Variants in TNFRSF13B observed in about 807,000 individuals in gnomAD.
TNFRSF13B encodes the protein tumor necrosis factor receptor superfamily member 13B.
Under a neutral mutation model 24.0 loss-of-function variants are expected in TNFRSF13B, and 34 were observed. That is an observed-to-expected ratio of 1.41 (90% confidence interval 1.08 to 1.88). The LOEUF (loss-of-function observed/expected upper bound fraction) is 1.88, where lower values mean the gene tolerates loss of function less well. Among genes scored for constraint, TNFRSF13B ranks in the 40% most tolerant of loss-of-function variants. TNFRSF13B has a pLI of 0.00. For synonymous variants in TNFRSF13B, 173 were observed against 150.3 expected (o/e 1.15, Z -1.10); for missense variants, 415 against 380.8 (o/e 1.09, Z -0.75).
At chr17:16,939,936 A>G in intron 4 of TNFRSF13B, 139 bp from the exon 5 acceptor site, 1 of 1,243,670 alleles carries the variant, frequency 8.0e-7, no homozygotes, top group Non-Finnish European at 1.1e-6. Context: ...GACAGGTGTC[A>G]GTGTCCGCCA....
At chr17:16,949,026 A>AT in intron 2 of TNFRSF13B, 43 bp from the exon 3 acceptor site, 1 of 1,613,468 alleles carries the variant, frequency 6.2e-7, no homozygotes, top group Non-Finnish European at 8.5e-7. Flanking sequence ...GACACAGACT[A>AT]GCAGGAACTC....
rs1361695462 is a variant in TNFRSF13B at position 16,966,832 on chromosome 17, CTTTTTTCT to C, written c.61+5175_61+5182del. ...TTGGTTTTTTTTGTTTTTTCTTTTTCTTTTTTCTTTTTTTTTTTTTTTTTGAGATGGAG... is the reference window on the plus strand; with the variant it reads ...TTGGTTTTTTTTGTTTTTTCTTTTTCTTTTTTTTTTTTTTTTGAGATGGAG... On this transcript the variant is annotated intron_variant, in intron 1 of 4. Coordinates refer to ENST00000261652, the MANE Select transcript of TNFRSF13B (RefSeq NM_012452.3). Among the ~76,000 whole-genome samples the C allele has an allele frequency of 1.0e-4, 10 of 95,846 alleles. 1 individual carries two copies. The highest frequency in any genetic ancestry group is 3.6e-4 in the South Asian group (1 of 2,792). The allele number at this position is 95,846 out of a possible 152,430, so 62.9% of individuals were successfully genotyped here. A position where few individuals can be genotyped will look rare whatever the true frequency, so the allele number is the denominator to read the frequency against.
At chr17:16,941,038 A>G in intron 3 of TNFRSF13B, 1 of 669,828 alleles carries the variant, frequency 1.5e-6, no homozygotes, top group Non-Finnish European at 1.9e-6. Flanking sequence ...ACATCCTCCT[A>G]TACAATTAGA....
chr17:16,952,304 G>T, intron 2 of TNFRSF13B, 142 bp downstream of exon 2: 1 of 1,210,384 alleles, frequency 8.3e-7, no homozygotes, highest in Non-Finnish European at 1.2e-6. Context: ...AAGCAGAAAG[G>T]TGGAGGGGTA....
chr17:16,949,904 G>A (rs1390819737), intron 2 of TNFRSF13B, among the ~76,000 whole-genome samples: 4 of 151,822 alleles, frequency 2.6e-5, no homozygotes, highest in Admixed American at 1.3e-4. Context: ...CAGGCTGGTC[G>A]TGAACTCCTG....
At position 16,939,642 on chromosome 17, in the gene TNFRSF13B, T is replaced by C. The variant is rs768133177; in HGVS notation, c.787A>G (p.Thr263Ala). 5.0e-6 allele frequency: 8 copies of C among 1,612,750 alleles called. No homozygotes were observed. In the African/African-American group the frequency reaches 9.3e-5, roughly 19 times the overall value. Residue 263 changes from threonine to alanine, a missense_variant, in exon 5 of 5, where the codon ACC (threonine) becomes GCC (alanine). Physicochemically the swap from Thr to Ala is moderately conservative, Grantham distance 58. Coordinates refer to ENST00000261652, the MANE Select transcript of TNFRSF13B (RefSeq NM_012452.3). ...PTCAGRWGCHTRTTVLQPCPH... is the reference protein window; with the variant it reads ...PTCAGRWGCHARTTVLQPCPH... ...CAAGGCTGCAGGACTGTGGTCCTGG[T>C]GTGGCACCCCCACCTTCCAGCACAA...
intron 3 of TNFRSF13B, chr17:16,940,987 G>A (rs978143274): frequency 2.0e-6 from 2 of 1,014,698 alleles, no homozygotes; most frequent in African/African-American, 3.4e-5. Flanking sequence ...ATGTCCAAGT[G>A]CCTGATACAA....
intron 1 of TNFRSF13B, among the ~76,000 whole-genome samples, chr17:16,953,831 G>A (rs563851500): frequency 7.2e-5 from 11 of 152,130 alleles, no homozygotes; most frequent in African/African-American, 2.4e-4. Context: ...TGCAGTGGGT[G>A]TGATCTTGGC....
chr17:16,952,647 G>A (rs1177676935), intron 1 of TNFRSF13B, 64 bp from the exon 2 acceptor site: 1 of 1,611,600 alleles, frequency 6.2e-7, no homozygotes, highest in Non-Finnish European at 8.5e-7. Flanking sequence ...TGTCCCTGAT[G>A]GGAACCAAGA....
chr17:16,970,234 G>T (rs1189602039), intron 1 of TNFRSF13B, among the ~76,000 whole-genome samples: 4 of 152,198 alleles, frequency 2.6e-5, no homozygotes, highest in Non-Finnish European at 5.9e-5. Flanking sequence ...TGAGAGAGAA[G>T]CTTCGTTGAT....
rs151139237 is a variant in TNFRSF13B, at chr17:16,940,438, G to A, written c.519C>T (p.Ala173=). 1.6e-4 allele frequency: 253 copies of A among 1,613,936 alleles called. 2 individuals are homozygous for A. In the African/African-American group the frequency reaches 2.1e-3, roughly 13 times the overall value. Residue 173 remains alanine, a synonymous_variant, in exon 4 of 5, where the codon GCC becomes GCT. Transcript: ENST00000261652. ...CCGCCACCAGGAAGCAGCAGAGGAC[G>A]GCACACAGGCAGAGCCCCAGCGTGC... is the stretch of plus-strand genomic sequence containing the variant. The part of the protein sequence containing the change: ...VYSTLGLCLC[A]VLCCFLVAVA...
intron 1 of TNFRSF13B, among the ~76,000 whole-genome samples, chr17:16,955,266 G>T (rs962595392): frequency 2.0e-5 from 3 of 152,186 alleles, no homozygotes; most frequent in Non-Finnish European, 4.4e-5. Flanking sequence ...AAACCAAACA[G>T]AAGGCAGACA....
At chr17:16,962,586 G>A (rs991814866) in intron 1 of TNFRSF13B, among the ~76,000 whole-genome samples, 2 of 152,092 alleles carry the variant, frequency 1.3e-5, no homozygotes, top group Non-Finnish European at 2.9e-5. Flanking sequence ...GCTCAGCTGT[G>A]GGCAATATTT....
intron 1 of TNFRSF13B, among the ~76,000 whole-genome samples, chr17:16,956,070 T>G (rs2087622812): frequency 6.6e-6 from 1 of 152,124 alleles, no homozygotes; most frequent in African/African-American, 2.4e-5. Flanking sequence ...TATCCTTCTC[T>G]GGTCTGGGAG....
Position 16,969,297 on chromosome 17 carries a change from A to G in TNFRSF13B, c.61+2718T>C, listed in dbSNP as rs1597670905. Among the ~76,000 whole-genome samples, 5 of 152,360 alleles carry G rather than the reference A, an allele frequency of 3.3e-5. No homozygotes were observed. In the East Asian group the frequency reaches 9.6e-4, roughly 29 times the overall value. ...AATCACAGTGACAAAAAAAGTAGAAACAACCCAAATGTCCATCCACCGATG... is the reference window on the plus strand; with the variant it reads ...AATCACAGTGACAAAAAAAGTAGAAGCAACCCAAATGTCCATCCACCGATG... On this transcript the variant is annotated intron_variant, in intron 1 of 4. Transcript: ENST00000261652.
chr17:16,961,156 T>A (rs1210842152), intron 1 of TNFRSF13B, among the ~76,000 whole-genome samples: 1 of 152,218 alleles, frequency 6.6e-6, no homozygotes, highest in African/African-American at 2.4e-5. Flanking sequence ...TGGGAATGTA[T>A]AACAGAGCAA....
chr17:16,950,878 T>C (rs1007945456), intron 2 of TNFRSF13B, among the ~76,000 whole-genome samples: 4 of 152,178 alleles, frequency 2.6e-5, no homozygotes, highest in Admixed American at 6.5e-5. Flanking sequence ...TTCTGTGACC[T>C]CTTAACAATC....
At chr17:16,945,477 T>C (rs1398777949) in intron 3 of TNFRSF13B, among the ~76,000 whole-genome samples, 1 of 152,258 alleles carries the variant, frequency 6.6e-6, no homozygotes, top group African/African-American at 2.4e-5. Flanking sequence ...GCATTCCCTG[T>C]GTGACTGTCA....
chr17:16,955,330 A>G (rs1446156209), intron 1 of TNFRSF13B, among the ~76,000 whole-genome samples: 1 of 152,246 alleles, frequency 6.6e-6, no homozygotes, highest in East Asian at 1.9e-4. Flanking sequence ...AAACAAGAGC[A>G]GCAACAGTTG....
Sources: allele counts gnomAD v4.1 joint callset (sites outside exome capture counted in the v4.1 genomes callset), GRCh38; gene constraint gnomAD v4.1.1; transcripts MANE v1.5; gene names NCBI Gene and HGNC (gene_info 2026-07-23, HGNC 2026-07-21).